NACC2: variants seen among roughly 807,000 people sequenced by gnomAD.
The protein encoded by NACC2 is NACC family member 2.
In NACC2, 8 loss-of-function variants were observed where a neutral mutation model predicts 25.1. The observed-to-expected ratio is 0.32, with a 90% CI of 0.19 to 0.57. The LOEUF is 0.57. Ranked by LOEUF, NACC2 falls within the 20% of genes least tolerant of loss-of-function variation. NACC2 has a pLI of 0.89. For missense variants in NACC2, 644 were observed against 650.2 expected (o/e 0.99, Z 0.10); for synonymous variants, 435 against 294.7 (o/e 1.48, Z -4.88).
intron 2 of NACC2, among the ~76,000 whole-genome samples, chr9:136,029,165 C>G (rs530495431): frequency 2.8e-4 from 42 of 152,174 alleles, no homozygotes; most frequent in Non-Finnish European, 5.7e-4. Flanking sequence ...TTTTCCGGGC[C>G]CACTCATGGC....
intron 1 of NACC2, among the ~76,000 whole-genome samples, chr9:136,074,804 G>A (rs1830241526): frequency 6.6e-6 from 1 of 152,134 alleles, no homozygotes; most frequent in South Asian, 2.1e-4. Flanking sequence ...GCTCACCTGC[G>A]GGGCTCGGGG....
chr9:136,076,077 TA>T (rs1181213029), intron 1 of NACC2, among the ~76,000 whole-genome samples: 1 of 146,686 alleles, frequency 6.8e-6, no homozygotes, highest in Non-Finnish European at 1.6e-5. Flanking sequence ...AACTTGGAAA[TA>T]AAGTAAACAG....
In NACC2 at chr9:136,084,907, G is replaced by A. The variant is rs1259489812; in HGVS notation, c.-60+10282C>T. ...GGCCTACAGAGACAGGAAGTAGAAA[G>A]GTGCCTGCCAGGGGCTGGGGCAAGG... On this transcript the variant is annotated intron_variant, in intron 1 of 5. Transcript: ENST00000277554. This position sits in a 1 kb window ranked among gnomAD's most constrained non-coding sequence, Gnocchi z 5.1. 1.3e-5 allele frequency among the ~76,000 whole-genome samples: 2 copies of A among 152,202 alleles called. No individual in the cohort carries two copies. The highest frequency in any genetic ancestry group is 2.9e-5 in the Non-Finnish European group (2 of 68,040).
At position 136,024,249 on chromosome 9, in the gene NACC2, GGT is replaced by G. The variant is rs1554736520; in HGVS notation, c.887-7822_887-7821del. Among the ~76,000 whole-genome samples the G allele has an allele frequency of 1.5e-4, 2 of 12,968 alleles. 1 individual carries two copies. Among genetic ancestry groups the G allele is most frequent in the Non-Finnish European group, 3.2e-4 (2 of 6,176 alleles). 8.5% of individuals were successfully genotyped at this position (12,968 alleles called of 152,430 possible). On this transcript the variant is annotated intron_variant, in intron 2 of 5. Coordinates refer to ENST00000277554, the MANE Select transcript of NACC2 (RefSeq NM_144653.5). ...ACAGAGGGTGTGTGTGAGGACAGAG[GGT>G]GTGTGTGAGGACAGAGGGTGTGTGT...
In NACC2 at chr9:136,011,807, G is replaced by C; in HGVS notation, c.1473C>G (p.Phe491Leu). 2 of 1,579,894 alleles carry C rather than the reference G, an allele frequency of 1.3e-6. No homozygotes were observed. Among genetic ancestry groups the C allele is most frequent in the South Asian group, 1.1e-5 (1 of 87,648 alleles). Reference protein sequence around the residue: ...PEFPPAAAQVFEQRIYAERRG... With the variant: ...PEFPPAAAQVLEQRIYAERRG... The stretch of plus-strand genomic sequence containing the variant: ...GCCGCTCGGCGTAGATGCGTTGCTC[G>C]AACACCTGTGCCGCGGCAGGCGGGA... Residue 491 changes from phenylalanine (F) to leucine (L), a missense_variant, in exon 6 of 6, where the codon TTC (phenylalanine) becomes TTG (leucine). Physicochemically the swap from Phe to Leu is conservative, Grantham distance 22. Transcript: ENST00000277554.
At chr9:136,028,503 G>C (rs944771558) in intron 2 of NACC2, among the ~76,000 whole-genome samples, 2 of 151,832 alleles carry the variant, frequency 1.3e-5, no homozygotes, top group African/African-American at 4.8e-5. Context: ...AGCCTCCTGC[G>C]TAACTGTGAC....
At chr9:136,017,483 A>G (rs1840220943) in intron 2 of NACC2, among the ~76,000 whole-genome samples, 1 of 152,078 alleles carries the variant, frequency 6.6e-6, no homozygotes, top group African/African-American at 2.4e-5. Context: ...CCTGCCCAGC[A>G]ATGCCTGGGG....
chr9:136,029,342 G>T (rs1203609596), intron 2 of NACC2, among the ~76,000 whole-genome samples: 1 of 152,306 alleles, frequency 6.6e-6, no homozygotes, highest in Admixed American at 6.5e-5. Context: ...GCAGAGAGGA[G>T]CTACCCACTC....
intron 1 of NACC2, among the ~76,000 whole-genome samples, chr9:136,057,517 A>T (rs1341400849): frequency 1.3e-5 from 2 of 152,222 alleles, no homozygotes; most frequent in African/African-American, 4.8e-5. Context: ...CCAAAGAATT[A>T]AGCTGTGTTT....
intron 1 of NACC2, among the ~76,000 whole-genome samples, chr9:136,076,424 G>A (rs901929639): frequency 1.4e-4 from 22 of 152,120 alleles, no homozygotes; most frequent in Admixed American, 8.5e-4. Flanking sequence ...ACACTATGCC[G>A]AGTGAAAGCC....
At position 136,086,883 on chromosome 9, in the gene NACC2, G is replaced by T. The variant is rs1830383861; in HGVS notation, c.-60+8306C>A. Among the ~76,000 whole-genome samples the T allele has an allele frequency of 6.6e-6, 1 of 152,158 alleles. No individual in the cohort carries two copies. The highest frequency in any genetic ancestry group is 1.5e-5 in the Non-Finnish European group (1 of 68,028). ...GAGCCAGCCCCCCAGTGCCCTCTACGCACTAAAGGCTTTCTGCCCCTCCCA... is the reference window on the plus strand; with the variant it reads ...GAGCCAGCCCCCCAGTGCCCTCTACTCACTAAAGGCTTTCTGCCCCTCCCA... On this transcript the variant is annotated intron_variant, in intron 1 of 5. Transcript: ENST00000277554. This position sits in a 1 kb window ranked among gnomAD's most constrained non-coding sequence, Gnocchi z 5.6.
At chr9:136,067,267 C>CAAA (rs58132081) in intron 1 of NACC2, among the ~76,000 whole-genome samples, 17 of 93,652 alleles carry the variant, frequency 1.8e-4, no homozygotes, top group African/African-American at 6.0e-4. Context: ...AACTCTGTCT[C>CAAA]AAAAAAAAAA....
At chr9:136,038,623 T>G (rs991972458) in intron 2 of NACC2, among the ~76,000 whole-genome samples, 5 of 152,202 alleles carry the variant, frequency 3.3e-5, no homozygotes, top group African/African-American at 1.2e-4. Flanking sequence ...AATTTAAAAG[T>G]TATTAAAAAT....
At chr9:136,057,028 C>G (rs4842095) in intron 1 of NACC2, among the ~76,000 whole-genome samples, 42,960 of 152,144 alleles carry the variant, frequency 0.28, 6,920 homozygotes, top group Non-Finnish European at 0.36. Flanking sequence ...CCCCCACCCC[C>G]AGGGTGGGCC....
intron 1 of NACC2, among the ~76,000 whole-genome samples, chr9:136,074,853 G>A (rs1830244126): frequency 6.6e-6 from 1 of 152,204 alleles, no homozygotes; most frequent in Non-Finnish European, 1.5e-5. Flanking sequence ...CTCACACAGA[G>A]CGGCAGGAAG....
chr9:136,016,174 G>T, intron 3 of NACC2, 91 bp downstream of exon 3: 1 of 1,393,864 alleles, frequency 7.2e-7, no homozygotes, highest in Non-Finnish European at 9.8e-7. Context: ...ACTGATTGGT[G>T]ATGAGTACAT....
chr9:136,013,165 G>GGCCCCCCC lies in NACC2; in HGVS notation c.1255+33_1255+34insGGGGGGGC. 7.1e-6 allele frequency: 5 copies of GGCCCCCCC among 706,954 alleles called. No individual in the cohort carries two copies. The highest frequency in any genetic ancestry group is 1.9e-5 in the Admixed American group (1 of 52,014). The allele number at this position is 706,954 out of a possible 1,614,324, so 43.8% of individuals were successfully genotyped here. A position where few individuals can be genotyped will look rare whatever the true frequency, so the allele number is the denominator to read the frequency against. On this transcript the variant is annotated intron_variant, in intron 5 of 5. Coordinates refer to ENST00000277554, the MANE Select transcript of NACC2 (RefSeq NM_144653.5). This position sits in a 1 kb window ranked among gnomAD's most constrained non-coding sequence, Gnocchi z 6.6. ...AGGCTGGGATCTGAACCCAGCCCCG[G>GGCCCCCCC]CCCCACCCACCCGAGAGACCCCCAG...
intron 2 of NACC2, among the ~76,000 whole-genome samples, chr9:136,045,012 C>T (rs914064554): frequency 1.3e-5 from 2 of 152,224 alleles, no homozygotes; most frequent in Non-Finnish European, 2.9e-5. Flanking sequence ...GACAGATGTG[C>T]TGCTGTGTGC....
rs891553688 is a variant in NACC2 at position 136,036,055 on chromosome 9, C to T, written c.886+13581G>A. Among the ~76,000 whole-genome samples, 5 of 152,164 alleles carry T rather than the reference C, an allele frequency of 3.3e-5. No homozygotes were observed. In the East Asian group the frequency reaches 7.7e-4, roughly 23 times the overall value. ...ACTATAAAAAATTATATTAACAAAA[C>T]GGAAAGTTGCACAGTGGGAGAAGCT... On this transcript the variant is annotated intron_variant, in intron 2 of 5. Transcript: ENST00000277554.
Sources: gnomAD v4.1 joint callset for allele counts (sites outside exome capture counted in the v4.1 genomes callset) on GRCh38, gnomAD v4.1.1 for gene constraint, Gnocchi (gnomAD v3.1) non-coding constraint, MANE v1.5 for transcripts, NCBI Gene and HGNC (gene_info 2026-07-23, HGNC 2026-07-21) for gene names.